ARMH4: variants seen among roughly 807,000 people sequenced by gnomAD.
The protein encoded by ARMH4 is armadillo-like helical domain-containing protein 4.
In ARMH4, 49 loss-of-function variants were observed where a neutral mutation model predicts 61.9. That is an observed-to-expected ratio of 0.79 (90% CI 0.63 to 1.00). The LOEUF (loss-of-function observed/expected upper bound fraction) is 1.00. ARMH4 is among the 50% of genes least tolerant of loss of function. The pLI is 0.00. For missense variants in ARMH4, 934 were observed against 930.0 expected (o/e 1.00, Z -0.06); for synonymous variants, 368 against 341.5 (o/e 1.08, Z -0.85).
At chr14:58,058,557 C>T (rs911711795) in intron 5 of ARMH4, among the ~76,000 whole-genome samples, 1 of 152,116 alleles carries the variant, frequency 6.6e-6, no homozygotes, top group Admixed American at 6.5e-5. Flanking sequence ...TTAGAGCATA[C>T]GGGGTAACTT....
At chr14:58,080,321 G>C (rs1200450667) in intron 5 of ARMH4, among the ~76,000 whole-genome samples, 1 of 151,928 alleles carries the variant, frequency 6.6e-6, no homozygotes, top group African/African-American at 2.4e-5. Flanking sequence ...TAGAGATGGG[G>C]TTTCTCCATG....
chr14:58,112,847 A>G (rs529005675), intron 4 of ARMH4, among the ~76,000 whole-genome samples: 28 of 152,284 alleles, frequency 1.8e-4, no homozygotes, highest in African/African-American at 6.3e-4. Flanking sequence ...CTCTCAGTCT[A>G]AATTTTGTTC....
intron 3 of ARMH4, 121 bp downstream of exon 3, chr14:58,132,969 G>C (rs762930514): frequency 8.9e-5 from 86 of 968,116 alleles, no homozygotes; most frequent in Middle Eastern, 4.3e-4. Flanking sequence ...GTGTGTGTGT[G>C]TGTACGTGCA....
intron 5 of ARMH4, among the ~76,000 whole-genome samples, chr14:58,068,199 G>C (rs1884766008): frequency 6.6e-6 from 1 of 152,048 alleles, no homozygotes; most frequent in Non-Finnish European, 1.5e-5. Flanking sequence ...AACTTTCCAC[G>C]ATGGGAGGAG....
chr14:58,137,095 T>C (rs1443794726), intron 2 of ARMH4, among the ~76,000 whole-genome samples: 1 of 152,238 alleles, frequency 6.6e-6, no homozygotes, highest in Non-Finnish European at 1.5e-5. Context: ...CATTTTCTTG[T>C]ATATTTATAC....
chr14:58,054,885 AT>A (rs1190176922), intron 5 of ARMH4, among the ~76,000 whole-genome samples: 1,452 of 86,200 alleles, frequency 0.017, 16 homozygotes, highest in African/African-American at 0.063. Context: ...AAAAAAAAAA[AT>A]AATAATAATA....
chr14:58,028,735 A>G (rs1883108557), intron 5 of ARMH4, among the ~76,000 whole-genome samples: 1 of 152,150 alleles, frequency 6.6e-6, no homozygotes, highest in Non-Finnish European at 1.5e-5. Context: ...GCCTCCACAG[A>G]CAACAACAGA....
At chr14:58,130,326 T>C (rs1887047701) in intron 4 of ARMH4, among the ~76,000 whole-genome samples, 2 of 152,226 alleles carry the variant, frequency 1.3e-5, no homozygotes, top group Admixed American at 1.3e-4. Flanking sequence ...CATGTTCCTC[T>C]GTCAGCAGCC....
rs566072175 is a variant in ARMH4, at chr14:58,138,099, G to C, written c.1260C>G (p.Asp420Glu). 9.3e-6 allele frequency: 15 copies of C among 1,614,120 alleles called. No homozygotes were observed. The highest frequency in any genetic ancestry group is 1.3e-5 in the African/African-American group (1 of 74,938). ...SIVNLLQSTG[D>E]FTESTKENDA... ...CGTTTTCCTTGGTGGATTCCGTGAAGTCTCCCGTACTTTGGAGCAAGTTCA... is the reference window on the plus strand; with the variant it reads ...CGTTTTCCTTGGTGGATTCCGTGAACTCTCCCGTACTTTGGAGCAAGTTCA... The change falls in exon 2 of 8, where the codon GAC becomes GAG. Residue 420 changes from aspartate to glutamate, a missense_variant. Transcript: ENST00000267485.
At chr14:58,124,551 G>A (rs554626558) in intron 4 of ARMH4, among the ~76,000 whole-genome samples, 18 of 152,308 alleles carry the variant, frequency 1.2e-4, no homozygotes, top group African/African-American at 3.6e-4. Context: ...TCAGACAACC[G>A]TTTACTTAAA....
chr14:58,019,645 G>A (rs1459964627), intron 5 of ARMH4, among the ~76,000 whole-genome samples: 1 of 151,922 alleles, frequency 6.6e-6, no homozygotes, highest in Non-Finnish European at 1.5e-5. Flanking sequence ...ACAAAAATTA[G>A]CCGAGTATGG....
At chr14:58,066,987 G>GA (rs1333516158) in intron 5 of ARMH4, among the ~76,000 whole-genome samples, 3 of 152,164 alleles carry the variant, frequency 2.0e-5, no homozygotes, top group Admixed American at 6.5e-5. Context: ...ATACAAAATG[G>GA]AAAAAATATA....
chr14:58,144,911 G>T (rs976827792), intron 1 of ARMH4, among the ~76,000 whole-genome samples: 1 of 151,810 alleles, frequency 6.6e-6, no homozygotes, highest in African/African-American at 2.4e-5. Flanking sequence ...TGAAACAAGA[G>T]AATTGACAGT....
intron 5 of ARMH4, among the ~76,000 whole-genome samples, chr14:58,049,298 C>T (rs916883177): frequency 1.1e-4 from 16 of 151,404 alleles, no homozygotes; most frequent in African/African-American, 3.4e-4. Flanking sequence ...AGATGATTCA[C>T]TGCTGCAAGA....
chr14:58,005,310 A>C (rs76588075), intron 6 of ARMH4, 128 bp from the exon 7 acceptor site: 50,522 of 1,192,430 alleles, frequency 0.042, 1,196 homozygotes, highest in Middle Eastern at 0.051. Flanking sequence ...TTGTAAGATA[A>C]AACTAAGCCT....
At chr14:58,094,532 A>G (rs1047346350) in intron 5 of ARMH4, among the ~76,000 whole-genome samples, 1 of 152,154 alleles carries the variant, frequency 6.6e-6, no homozygotes. Flanking sequence ...ACAATTGAAT[A>G]CTAGTCAGCT....
rs114999859 is a variant in ARMH4, at chr14:58,007,379, G to A, written c.2122-2197C>T. 9.5e-3 allele frequency among the ~76,000 whole-genome samples: 1,452 copies of A among 152,098 alleles called. 17 individuals are homozygous for A. Among genetic ancestry groups the A allele is most frequent in the African/African-American group, 0.026 (1,065 of 41,460 alleles). On this transcript the variant is annotated intron_variant, in intron 6 of 7. Coordinates refer to ENST00000267485, the MANE Select transcript of ARMH4 (RefSeq NM_001001872.4). ...TGTAAATTGACATATAAAACTGTAC[G>A]TACTCATCATGTACAACATGATGTT...
chr14:58,031,453 T>C (rs1340560785), intron 5 of ARMH4, among the ~76,000 whole-genome samples: 1 of 152,190 alleles, frequency 6.6e-6, no homozygotes, highest in Non-Finnish European at 1.5e-5. Flanking sequence ...ATAAGTTTAT[T>C]TTCTTCCTAA....
chr14:58,064,336 C>G (rs1389185741), intron 5 of ARMH4, among the ~76,000 whole-genome samples: 1 of 152,196 alleles, frequency 6.6e-6, no homozygotes, highest in Non-Finnish European at 1.5e-5. Flanking sequence ...TGAGATACCT[C>G]TGATTCTCAC....
Sources: gnomAD v4.1 joint callset for allele counts (sites outside exome capture counted in the v4.1 genomes callset) on GRCh38, gnomAD v4.1.1 for gene constraint, MANE v1.5 for transcripts, NCBI Gene and HGNC (gene_info 2026-07-23, HGNC 2026-07-21) for gene names.